BTRC: variants seen among roughly 807,000 people sequenced by gnomAD.
The protein encoded by BTRC is beta-transducin repeat containing E3 ubiquitin protein ligase, also known as F-box/WD repeat-containing protein 1A.
In BTRC, 42 loss-of-function variants were observed where a neutral mutation model predicts 85.5. That is an observed-to-expected ratio of 0.49 (90% CI 0.38 to 0.64). BTRC has a LOEUF of 0.64. BTRC is among the 30% of genes least tolerant of loss of function. The pLI, the probability that BTRC is intolerant of heterozygous loss-of-function variation, is 0.00. For synonymous variants in BTRC, 255 were observed against 263.3 expected, an observed-to-expected ratio of 0.97 and a Z score of 0.30; for missense variants, 594 against 743.5, an observed-to-expected ratio of 0.80 and a Z score of 2.34.
At chr10:101,358,080 A>G (rs780257010) in intron 1 of BTRC, among the ~76,000 whole-genome samples, 1 of 152,140 alleles carries the variant, frequency 6.6e-6, no homozygotes, top group Non-Finnish European at 1.5e-5. Flanking sequence ...TAGGGGTTGA[A>G]AAGACATACT....
At chr10:101,354,278 G>A (rs1274466048) in intron 1 of BTRC, 50 bp downstream of exon 1, 4 of 1,544,190 alleles carry the variant, frequency 2.6e-6, no homozygotes, top group Non-Finnish European at 3.5e-6. Flanking sequence ...GGCGTTGGCG[G>A]CGTCGCTGGC....
At chr10:101,417,983 G>C (rs556837820) in intron 1 of BTRC, among the ~76,000 whole-genome samples, 22 of 152,240 alleles carry the variant, frequency 1.4e-4, no homozygotes, top group African/African-American at 4.1e-4. Flanking sequence ...CATTAATGGA[G>C]TCATAGATTT....
At chr10:101,493,639 G>A (rs1021542959) in intron 4 of BTRC, among the ~76,000 whole-genome samples, 23 of 152,198 alleles carry the variant, frequency 1.5e-4, no homozygotes, top group African/African-American at 4.8e-4. Context: ...GCAGAAGTAT[G>A]CAAATTGGTT....
chr10:101,535,218 T>C (rs1466397724), intron 10 of BTRC, 136 bp from the exon 11 acceptor site: 1 of 778,302 alleles, frequency 1.3e-6, no homozygotes, highest in Non-Finnish European at 2.1e-6. Context: ...ATTTAAATTG[T>C]CCTTTGTTTT....
At chr10:101,439,406 A>G (rs1310436738) in intron 2 of BTRC, among the ~76,000 whole-genome samples, 6 of 152,214 alleles carry the variant, frequency 3.9e-5, no homozygotes, top group African/African-American at 1.2e-4. Flanking sequence ...CACGTTGAAC[A>G]TCTCCACTCT....
chr10:101,378,786 A>G (rs911691274), intron 1 of BTRC, among the ~76,000 whole-genome samples: 1 of 125,932 alleles, frequency 7.9e-6, no homozygotes, highest in African/African-American at 2.6e-5. Flanking sequence ...CGGCCTCCCA[A>G]AGTGCTAGAA....
chr10:101,462,383 A>G (rs1945250535), intron 3 of BTRC, among the ~76,000 whole-genome samples: 1 of 152,202 alleles, frequency 6.6e-6, no homozygotes, highest in African/African-American at 2.4e-5. Flanking sequence ...GTTAATAATA[A>G]CTTAAAAAAA....
Position 101,553,485 on chromosome 10 carries a change from G to A in BTRC, c.*362G>A, listed in dbSNP as rs1015488124. Reference sequence around the variant, plus strand: ...TATAAATATATTTAGTGTTTTGCCAGAATCTCTCTTGCTTTGCCATTAAGC... The same window carrying A: ...TATAAATATATTTAGTGTTTTGCCAAAATCTCTCTTGCTTTGCCATTAAGC... On this transcript the variant is annotated 3_prime_UTR_variant, in exon 15 of 15. Coordinates refer to ENST00000370187, the MANE Select transcript of BTRC (RefSeq NM_033637.4). The A allele has an allele frequency of 2.0e-5, 3 of 152,586 alleles. No individual in the cohort carries two copies. The highest frequency in any genetic ancestry group is 4.4e-5 in the Non-Finnish European group (3 of 68,044). 9.5% of individuals were successfully genotyped at this position (152,586 alleles called of 1,614,324 possible). A position where few individuals can be genotyped will look rare whatever the true frequency, so the allele number is the denominator to read the frequency against.
chr10:101,453,984 C>T (rs909121593), intron 2 of BTRC, among the ~76,000 whole-genome samples: 1 of 152,184 alleles, frequency 6.6e-6, no homozygotes, highest in Non-Finnish European at 1.5e-5. Flanking sequence ...GCCAGTTAAA[C>T]TTTATTTGCA....
At chr10:101,510,617 C>T (rs751782246) in intron 4 of BTRC, among the ~76,000 whole-genome samples, 20 of 152,132 alleles carry the variant, frequency 1.3e-4, no homozygotes, top group Non-Finnish European at 2.4e-4. Context: ...TTCCTTTCCC[C>T]CTCAAAATCC....
At chr10:101,396,122 G>A (rs910667434) in intron 1 of BTRC, among the ~76,000 whole-genome samples, 5 of 151,546 alleles carry the variant, frequency 3.3e-5, no homozygotes, top group African/African-American at 1.2e-4. Flanking sequence ...TTCTGTTATA[G>A]CGAATACTGG....
chr10:101,415,286 C>T (rs544180581), intron 1 of BTRC, among the ~76,000 whole-genome samples: 2 of 151,598 alleles, frequency 1.3e-5, no homozygotes, highest in African/African-American at 2.4e-5. Flanking sequence ...AATGATCCTC[C>T]TGCTGCAGTC....
At chr10:101,394,062 G>A (rs932081592) in intron 1 of BTRC, among the ~76,000 whole-genome samples, 5 of 152,270 alleles carry the variant, frequency 3.3e-5, no homozygotes, top group African/African-American at 7.2e-5. Context: ...TTTATAGAAC[G>A]CAGACATTGT....
chr10:101,476,834 T>G (rs2134216386), intron 3 of BTRC, among the ~76,000 whole-genome samples: 1 of 152,330 alleles, frequency 6.6e-6, no homozygotes, highest in South Asian at 2.1e-4. Flanking sequence ...TTGAGTGTCT[T>G]AAGATTTTTC....
chr10:101,367,041 TAA>T (rs1258655412), intron 1 of BTRC, among the ~76,000 whole-genome samples: 1,251 of 65,070 alleles, frequency 0.019, 101 homozygotes, highest in African/African-American at 0.06. Flanking sequence ...TTTATATATA[TAA>T]ATATATATAT....
intron 1 of BTRC, among the ~76,000 whole-genome samples, chr10:101,367,773 G>A (rs537078129): frequency 6.6e-6 from 1 of 152,288 alleles, no homozygotes; most frequent in South Asian, 2.1e-4. Context: ...GGTTGTTGTG[G>A]GAGGTGTGGT....
chr10:101,467,345 TCTCTC>T (rs1564790424), intron 3 of BTRC, among the ~76,000 whole-genome samples: 8 of 145,852 alleles, frequency 5.5e-5, no homozygotes, highest in South Asian at 2.2e-4. Flanking sequence ...TTTTTTTTTT[TCTCTC>T]TATTTGTTTT....
intron 1 of BTRC, among the ~76,000 whole-genome samples, chr10:101,362,799 T>TG (rs1483800167): frequency 6.6e-6 from 1 of 152,156 alleles, no homozygotes; most frequent in Non-Finnish European, 1.5e-5. Flanking sequence ...ATTCAACCAT[T>TG]GATTGAAAAT....
intron 1 of BTRC, among the ~76,000 whole-genome samples, chr10:101,383,604 A>G (rs10736153): frequency 1 from 151,824 of 152,334 alleles, 75,662 homozygotes; most frequent in Middle Eastern, 1. Flanking sequence ...GGCCTAGGGA[A>G]CCCTCTCGCC....
Sources: gnomAD v4.1 joint callset for allele counts (sites outside exome capture counted in the v4.1 genomes callset) on GRCh38, gnomAD v4.1.1 for gene constraint, MANE v1.5 for transcripts, NCBI Gene and HGNC (gene_info 2026-07-23, HGNC 2026-07-21) for gene names.